PARD3B: variants seen among roughly 807,000 people sequenced by gnomAD.
The protein encoded by PARD3B is partitioning defective 3 homolog B.
Under a neutral mutation model 130.2 loss-of-function variants are expected in PARD3B, and 103 were observed. That is an observed-to-expected ratio of 0.79 (90% confidence interval 0.67 to 0.93). The LOEUF (loss-of-function observed/expected upper bound fraction) is 0.93. PARD3B is among the 40% of genes least tolerant of loss of function. The pLI is 0.00. For synonymous variants in PARD3B, 583 were observed against 553.2 expected, an observed-to-expected ratio of 1.05 and a Z score of -0.76; for missense variants, 1,609 against 1,499.2, an observed-to-expected ratio of 1.07 and a Z score of -1.21.
chr2:205,112,251 A>G (rs1703696165), intron 5 of PARD3B, among the ~76,000 whole-genome samples: 1 of 152,100 alleles, frequency 6.6e-6, no homozygotes, highest in South Asian at 2.1e-4. Context: ...AATGCTGAAA[A>G]CTGATGTGCT....
intron 5 of PARD3B, among the ~76,000 whole-genome samples, chr2:205,109,944 G>C (rs185285368): frequency 6.6e-6 from 1 of 152,026 alleles, no homozygotes; most frequent in Admixed American, 6.6e-5. Flanking sequence ...GTGAGCCAAC[G>C]CGCCTGGCCA....
intron 1 of PARD3B, among the ~76,000 whole-genome samples, chr2:204,684,257 G>T (rs959311467): frequency 6.6e-6 from 1 of 152,050 alleles, no homozygotes. Context: ...ATAGATGCCT[G>T]CTTTTAAGTA....
intron 7 of PARD3B, among the ~76,000 whole-genome samples, chr2:205,119,453 C>A (rs1377303179): frequency 2.0e-5 from 3 of 152,020 alleles, no homozygotes; most frequent in African/African-American, 4.8e-5. Context: ...TGTCTGAGGA[C>A]TCACCGAATC....
intron 15 of PARD3B, among the ~76,000 whole-genome samples, chr2:205,232,090 A>T (rs1193034811): frequency 2.6e-5 from 4 of 152,236 alleles, no homozygotes; most frequent in African/African-American, 9.6e-5. Context: ...TGCCTAGCAG[A>T]TCATAAAGGC....
At position 205,564,146 on chromosome 2, in the gene PARD3B, C is replaced by G. The variant is rs369153992; in HGVS notation, c.3260+10743C>G. Among the ~76,000 whole-genome samples the G allele has an allele frequency of 4.6e-5, 7 of 152,266 alleles. No individual in the cohort carries two copies. The East Asian group carries it at 1.3e-3, about 29-fold the overall frequency. On this transcript the variant is annotated intron_variant, in intron 22 of 22. Transcript: ENST00000406610. This position sits in a 1 kb window ranked among gnomAD's most constrained non-coding sequence, Gnocchi z 4.6. ...CTAGTGACAGGTTTTGGAGTCAGTT[C>G]AGTATTTTCTGCATCTGAAATTTCT...
chr2:204,760,761 C>T (rs185304394), intron 2 of PARD3B, among the ~76,000 whole-genome samples: 6 of 152,124 alleles, frequency 3.9e-5, no homozygotes, highest in South Asian at 4.1e-4. Context: ...ATTTACTTTT[C>T]GTAGGTGAAA....
At chr2:205,046,480 GTTTT>G (rs10538808) in intron 3 of PARD3B, among the ~76,000 whole-genome samples, 2 of 140,732 alleles carry the variant, frequency 1.4e-5, no homozygotes, top group African/African-American at 2.6e-5. Flanking sequence ...CATGAAAGAA[GTTTT>G]TTTTTTTTTT....
chr2:204,621,459 A>G (rs1261278797), intron 1 of PARD3B, among the ~76,000 whole-genome samples: 2 of 152,226 alleles, frequency 1.3e-5, no homozygotes, highest in Non-Finnish European at 2.9e-5. Flanking sequence ...TATCCCAAGT[A>G]GCCAGTTTAT....
chr2:204,615,390 G>C (rs2034071818), intron 1 of PARD3B, among the ~76,000 whole-genome samples: 1 of 152,154 alleles, frequency 6.6e-6, no homozygotes. Context: ...TTTGTAACTT[G>C]TTATAACACA....
chr2:204,770,709 C>T (rs1042179711), intron 2 of PARD3B, among the ~76,000 whole-genome samples: 1 of 151,960 alleles, frequency 6.6e-6, no homozygotes, highest in African/African-American at 2.4e-5. Flanking sequence ...AGGAAAAGAT[C>T]CACTACTCAT....
chr2:205,308,358 G>A (rs2042254499), intron 18 of PARD3B, among the ~76,000 whole-genome samples: 2 of 152,064 alleles, frequency 1.3e-5, no homozygotes, highest in Admixed American at 1.3e-4. Context: ...TGTAATCCCA[G>A]CACTTTGGGA....
intron 21 of PARD3B, among the ~76,000 whole-genome samples, chr2:205,500,501 G>C (rs1225117497): frequency 6.6e-6 from 1 of 152,118 alleles, no homozygotes; most frequent in Non-Finnish European, 1.5e-5. Context: ...TTTGTTTTGA[G>C]ATAAGGGCAG....
chr2:205,035,512 G>C (rs2125374193), intron 3 of PARD3B, among the ~76,000 whole-genome samples: 1 of 151,966 alleles, frequency 6.6e-6, no homozygotes, highest in South Asian at 2.1e-4. Context: ...CTGGCTTTGT[G>C]CATTTCAAAT....
Position 205,473,699 on chromosome 2 carries a change from TATATATATATAC to T in PARD3B, c.3045-26195_3045-26184del, listed in dbSNP as rs1483638726. Among the ~76,000 whole-genome samples, 69 of 125,800 alleles carry T rather than the reference TATATATATATAC, an allele frequency of 5.5e-4. No homozygotes were observed. Among genetic ancestry groups the T allele is most frequent in the Middle Eastern group, 7.5e-3 (2 of 266 alleles). 82.5% of individuals were successfully genotyped at this position (125,800 alleles called of 152,430 possible). A position where few individuals can be genotyped will look rare whatever the true frequency, so the allele number is the denominator to read the frequency against. Reference sequence around the variant, plus strand: ...GTGTGTGTATGTATATATATATATATATATATATATACACACACACGTATATAAAACCCTAAA... The same window carrying T: ...GTGTGTGTATGTATATATATATATATACACACACGTATATAAAACCCTAAA... On this transcript the variant is annotated intron_variant, in intron 20 of 22. Transcript: ENST00000406610. This position sits in a 1 kb window ranked among gnomAD's most constrained non-coding sequence, Gnocchi z 4.9.
At chr2:205,002,530 G>A (rs1291482114) in intron 3 of PARD3B, among the ~76,000 whole-genome samples, 2 of 152,122 alleles carry the variant, frequency 1.3e-5, no homozygotes, top group Non-Finnish European at 2.9e-5. Context: ...TCCTGAAGCA[G>A]TGCCTTTTCT....
intron 2 of PARD3B, among the ~76,000 whole-genome samples, chr2:204,864,294 A>T (rs10190031): frequency 0.26 from 39,932 of 152,108 alleles, 9,028 homozygotes; most frequent in African/African-American, 0.61. Flanking sequence ...CAGTCACAAT[A>T]AATTGACTTA....
At chr2:205,050,822 T>C (rs1271947295) in intron 4 of PARD3B, among the ~76,000 whole-genome samples, 1 of 152,066 alleles carries the variant, frequency 6.6e-6, no homozygotes, top group Non-Finnish European at 1.5e-5. Context: ...GGGTATAGCA[T>C]GCATGAGATA....
At chr2:204,843,132 T>A (rs2044318868) in intron 2 of PARD3B, among the ~76,000 whole-genome samples, 1 of 151,774 alleles carries the variant, frequency 6.6e-6, no homozygotes, top group Non-Finnish European at 1.5e-5. Context: ...CCGCTAAACC[T>A]CGGCCCATAC....
chr2:205,164,244 TAGTC>T (rs780663764), intron 11 of PARD3B, among the ~76,000 whole-genome samples: 1 of 152,208 alleles, frequency 6.6e-6, no homozygotes, highest in East Asian at 1.9e-4. Context: ...TTAATTCACA[TAGTC>T]AGGCTTATTT....
Sources: gnomAD v4.1 joint callset for allele counts (sites outside exome capture counted in the v4.1 genomes callset) on GRCh38, gnomAD v4.1.1 for gene constraint, Gnocchi (gnomAD v3.1) non-coding constraint, MANE v1.5 for transcripts, NCBI Gene and HGNC (gene_info 2026-07-23, HGNC 2026-07-21) for gene names.